Variants in DDAH1 observed in about 807,000 individuals in gnomAD.
DDAH1 encodes the protein N(G),N(G)-dimethylarginine dimethylaminohydrolase 1.
In DDAH1, 19 loss-of-function variants were observed where a neutral mutation model predicts 28.8. The observed-to-expected ratio is 0.66, with a 90% CI of 0.46 to 0.97. DDAH1 has a LOEUF of 0.97. Ranked by LOEUF, DDAH1 falls within the 50% of genes least tolerant of loss-of-function variation. The pLI, the probability that DDAH1 is intolerant of heterozygous loss-of-function variation, is 0.00. For missense variants in DDAH1, 326 were observed against 375.9 expected, an observed-to-expected ratio of 0.87 and a Z score of 1.10; for synonymous variants, 153 against 154.4, an observed-to-expected ratio of 0.99 and a Z score of 0.07.
intron 1 of DDAH1, chr1:85,435,418 G>A (rs1002103256): frequency 4.6e-5 from 7 of 152,188 alleles, no homozygotes; most frequent in African/African-American, 1.7e-4. Flanking sequence ...TATTCATTGA[G>A]CATCTACTAT....
At chr1:85,443,379 G>A (rs1031207270) in intron 1 of DDAH1, among the ~76,000 whole-genome samples, 4 of 152,092 alleles carry the variant, frequency 2.6e-5, no homozygotes, top group African/African-American at 9.7e-5. Flanking sequence ...CTGTTCCATT[G>A]GTCTATATCT....
chr1:85,347,437 T>C (rs1348824166), intron 4 of DDAH1, among the ~76,000 whole-genome samples: 1 of 152,060 alleles, frequency 6.6e-6, no homozygotes, highest in Non-Finnish European at 1.5e-5. Context: ...TATGCAGCCA[T>C]AAAAAAGGAT....
chr1:85,538,647 C>G (rs1200630126), intron 1 of DDAH1, among the ~76,000 whole-genome samples: 1 of 152,026 alleles, frequency 6.6e-6, no homozygotes, highest in African/African-American at 2.4e-5. Flanking sequence ...AAGAACAACT[C>G]AAAGCTACTA....
chr1:85,513,447 A>T (rs901260120), intron 1 of DDAH1, among the ~76,000 whole-genome samples: 4 of 152,216 alleles, frequency 2.6e-5, no homozygotes, highest in Admixed American at 2.0e-4. Context: ...ATGGGCAAAG[A>T]CTTCATGACT....
intron 1 of DDAH1, among the ~76,000 whole-genome samples, chr1:85,439,742 G>A (rs1654107030): frequency 6.6e-6 from 1 of 152,140 alleles, no homozygotes; most frequent in East Asian, 1.9e-4. Context: ...AACTGTCAAA[G>A]TGAAATTTAA....
At chr1:85,386,956 G>A (rs1286624956) in intron 1 of DDAH1, among the ~76,000 whole-genome samples, 2 of 152,164 alleles carry the variant, frequency 1.3e-5, no homozygotes, top group Admixed American at 1.3e-4. Context: ...AGAAATAACT[G>A]GCCGGAGCTA....
chr1:85,487,742 A>G (rs190750202), intron 2 of DDAH1, among the ~76,000 whole-genome samples: 2 of 152,274 alleles, frequency 1.3e-5, no homozygotes, highest in Admixed American at 1.3e-4. Context: ...AACCAATATT[A>G]TCAGTTTCTC....
chr1:85,550,044 C>T (rs1032668604), intron 1 of DDAH1, among the ~76,000 whole-genome samples: 1 of 152,124 alleles, frequency 6.6e-6, no homozygotes, highest in African/African-American at 2.4e-5. Flanking sequence ...TCATAAAATC[C>T]TCAGCATGTC....
intron 2 of DDAH1, among the ~76,000 whole-genome samples, chr1:85,476,782 G>T (rs543309483): frequency 5.9e-5 from 9 of 152,090 alleles, no homozygotes; most frequent in African/African-American, 2.2e-4. Flanking sequence ...TTAGTATCAA[G>T]TTCTGTTATT....
intron 1 of DDAH1, among the ~76,000 whole-genome samples, chr1:85,360,516 T>C (rs1383438047): frequency 6.6e-6 from 1 of 152,198 alleles, no homozygotes; most frequent in East Asian, 1.9e-4. Flanking sequence ...TCTGCTTCTT[T>C]GTCCATGGAA....
intron 1 of DDAH1, among the ~76,000 whole-genome samples, chr1:85,417,360 C>T (rs1652932286): frequency 6.6e-6 from 1 of 152,132 alleles, no homozygotes; most frequent in Non-Finnish European, 1.5e-5. Flanking sequence ...GCCCCATTCA[C>T]AGAGAGGCAA....
At chr1:85,452,102 C>A (rs1219510291) in intron 1 of DDAH1, among the ~76,000 whole-genome samples, 2 of 152,120 alleles carry the variant, frequency 1.3e-5, no homozygotes, top group African/African-American at 4.8e-5. Context: ...CATTTTGCTG[C>A]CTTTGGATGA....
intron 1 of DDAH1, among the ~76,000 whole-genome samples, chr1:85,428,738 C>A (rs1270295861): frequency 1.3e-5 from 2 of 152,090 alleles, no homozygotes; most frequent in Admixed American, 6.6e-5. Flanking sequence ...CCTGTTTACT[C>A]CTGCTTGCTT....
intron 1 of DDAH1, among the ~76,000 whole-genome samples, chr1:85,388,012 T>TA: frequency 6.6e-6 from 1 of 152,264 alleles, no homozygotes; most frequent in African/African-American, 2.4e-5. Flanking sequence ...GGGGAACTAA[T>TA]AGAGTGAGCA....
chr1:85,358,666 C>T (rs1649619804), intron 2 of DDAH1, 82 bp downstream of exon 2: 1 of 1,128,328 alleles, frequency 8.9e-7, no homozygotes, highest in Non-Finnish European at 1.3e-6. Context: ...AACAAAAAAA[C>T]ACAAAAAACT....
chr1:85,496,310 A>G (rs1054122181), intron 1 of DDAH1: 38 of 657,668 alleles, frequency 5.8e-5, no homozygotes, highest in Non-Finnish European at 4.5e-5. Flanking sequence ...GGAAGCAGAG[A>G]GAGGGGAAAG....
chr1:85,418,540 C>T (rs192959415), intron 1 of DDAH1, among the ~76,000 whole-genome samples: 82 of 152,156 alleles, frequency 5.4e-4, no homozygotes, highest in Admixed American at 2.0e-3. Flanking sequence ...GGACCAAATA[C>T]CAGGAGAAGG....
intron 1 of DDAH1, chr1:85,398,622 G>A (rs978191687): frequency 1.3e-5 from 2 of 152,164 alleles, no homozygotes; most frequent in African/African-American, 2.4e-5. Context: ...AATATCTAAC[G>A]CCACAACCAG....
At chr1:85,472,355 T>C (rs1349413016) in intron 2 of DDAH1, among the ~76,000 whole-genome samples, 1 of 152,246 alleles carries the variant, frequency 6.6e-6, no homozygotes, top group Non-Finnish European at 1.5e-5. Flanking sequence ...GTCCATACTT[T>C]GTTAAACCTA....
Sources: gnomAD v4.1 joint callset for allele counts (sites outside exome capture counted in the v4.1 genomes callset) on GRCh38, gnomAD v4.1.1 for gene constraint, MANE v1.5 for transcripts, NCBI Gene and HGNC (gene_info 2026-07-23, HGNC 2026-07-21) for gene names.